The following GPR135 variants were observed in gnomAD, a reference collection of about 807,000 sequenced individuals.
GPR135 encodes G protein-coupled receptor 135.
Under a neutral mutation model 15.0 loss-of-function variants are expected in GPR135, and 17 were observed. That is an observed-to-expected ratio of 1.13 (90% CI 0.78 to 1.70). The LOEUF (loss-of-function observed/expected upper bound fraction) is 1.70. Ranked by LOEUF, GPR135 falls within the 40% of genes most tolerant of loss-of-function variation. GPR135 has a pLI of 0.00. For synonymous variants in GPR135, 368 were observed against 349.4 expected (o/e 1.05, Z -0.59); for missense variants, 776 against 727.0 (o/e 1.07, Z -0.78).
downstream of GPR135, among the ~76,000 whole-genome samples, chr14:59,456,959 A>G (rs1048123652): frequency 2.0e-5 from 3 of 152,244 alleles, no homozygotes; most frequent in African/African-American, 7.2e-5. Flanking sequence ...TTACTTTTAC[A>G]TAAAGAAACA....
chr14:59,463,955 G>A lies in GPR135; in HGVS notation c.1272C>T (p.Ala424=), dbSNP rs1242208338. Residue 424 remains alanine (A), a synonymous_variant, in exon 1 of 1, where the codon GCC becomes GCT. Coordinates refer to ENST00000395116, the MANE Select transcript of GPR135 (RefSeq NM_022571.6). ...GGTTTCGAAGGCGACTGCGGCTTCT[G>A]GCTTGCAGACCCGGGCCCTGGCTGG... The part of the protein sequence containing the change: ...FLPSQGPGLQ[A]RSRSRLRNRY... The A allele has an allele frequency of 7.4e-6, 12 of 1,614,044 alleles. No homozygotes were observed. Among genetic ancestry groups the A allele is most frequent in the Non-Finnish European group, 1.0e-5 (12 of 1,180,024 alleles).
Position 59,465,086 on chromosome 14 carries a change from C to T in GPR135, c.141G>A (p.Val47=). ...ATAAVLSFST[V]ATAALGNLSD... ...TCAGGTTCCCCAGCGCCGCGGTCGC[C>T]ACGGTGCTGAAGGAGAGCACGGCCG... is the stretch of plus-strand genomic sequence containing the variant. Residue 47 remains valine, a synonymous_variant, in exon 1 of 1, where the codon GTG becomes GTA. Transcript: ENST00000395116. 1 of 1,381,590 alleles carries T rather than the reference C, an allele frequency of 7.2e-7. No individual in the cohort carries two copies. Among genetic ancestry groups the T allele is most frequent in the Non-Finnish European group, 9.4e-7 (1 of 1,069,092 alleles). The allele number at this position is 1,381,590 out of a possible 1,614,324, so 85.6% of individuals were successfully genotyped here.
downstream of GPR135, among the ~76,000 whole-genome samples, chr14:59,459,700 G>T (rs776615766): frequency 6.6e-6 from 1 of 152,164 alleles, no homozygotes; most frequent in Non-Finnish European, 1.5e-5. Context: ...AATTGTAAAA[G>T]TACAGGCAAT....
In GPR135 at chr14:59,464,753, G is replaced by A. The variant is rs1166570791; in HGVS notation, c.474C>T (p.Pro158=). ...SDLLTALLCL[P]AAFLDLFTPP... The stretch of plus-strand genomic sequence containing the variant: ...GAGTGAAGAGGTCCAGGAAGGCGGC[G>A]GGCAGGCAGAGCAGCGCCGTGAGCA... The change falls in exon 1 of 1, where the codon CCC becomes CCT. Residue 158 remains proline, a synonymous_variant. Coordinates refer to ENST00000395116, the MANE Select transcript of GPR135 (RefSeq NM_022571.6). 1.9e-6 allele frequency: 3 copies of A among 1,567,778 alleles called. No individual in the cohort carries two copies. Among genetic ancestry groups the A allele is most frequent in the Middle Eastern group, 1.7e-4 (1 of 5,998 alleles).
Position 59,464,832 on chromosome 14 carries a change from C to G in GPR135, c.395G>C (p.Arg132Pro). 6.3e-7 allele frequency: 1 copy of G among 1,593,986 alleles called. No homozygotes were observed. Among genetic ancestry groups the G allele is most frequent in the Non-Finnish European group, 8.5e-7 (1 of 1,170,522 alleles). The change falls in exon 1 of 1, where the codon CGG (arginine) becomes CCG (proline). Residue 132 changes from arginine (R) to proline (P), a missense_variant. Coordinates refer to ENST00000395116, the MANE Select transcript of GPR135 (RefSeq NM_022571.6). ...CAVMGVIVKHRQLRTVTNAFI... is the reference protein window; with the variant it reads ...CAVMGVIVKHPQLRTVTNAFI... ...GGCGTTGGTGACGGTGCGGAGCTGC[C>G]GGTGCTTCACAATCACCCCCATCAC...
At chr14:59,458,014 A>T (rs1287814621), downstream of GPR135, among the ~76,000 whole-genome samples, 1 of 151,522 alleles carries the variant, frequency 6.6e-6, no homozygotes, top group African/African-American at 2.4e-5. Context: ...CGTTTCTACT[A>T]CTCCTTCTGT....
rs368832674 is a variant in GPR135, at chr14:59,464,718, C to T, written c.509G>A (p.Gly170Asp). ...CCCCGCGGCGGCGGCAGGCGCCGAA[C>T]CCCCGGGCGGAGTGAAGAGGTCCAG... The part of the protein sequence containing the change: ...AFLDLFTPPG[G>D]SAPAAAAGPW... The change falls in exon 1 of 1, where the codon GGT (glycine) becomes GAT (aspartate). Residue 170 changes from glycine (G) to aspartate (D), a missense_variant. Transcript: ENST00000395116. 9 of 1,565,654 alleles carry T rather than the reference C, an allele frequency of 5.7e-6. No homozygotes were observed. In the East Asian group the frequency reaches 9.4e-5, roughly 16 times the overall value.
rs750143137 is a variant in GPR135 at position 59,464,099 on chromosome 14, G to C, written c.1128C>G (p.Thr376=). ...CAGGGTTGATGGCCCCATTGGCCCA[G>C]GTCAGCCAGACGGCCACCACGCTGA... ...SLLSVVAVWL[T]WANGAINPVI... The change falls in exon 1 of 1, where the codon ACC becomes ACG. Residue 376 remains threonine (T), a synonymous_variant. Coordinates refer to ENST00000395116, the MANE Select transcript of GPR135 (RefSeq NM_022571.6). 3 of 1,612,154 alleles carry C rather than the reference G, an allele frequency of 1.9e-6. No homozygotes were observed. The highest frequency in any genetic ancestry group is 1.7e-6 in the Non-Finnish European group (2 of 1,179,998).
rs543431449 is a variant in GPR135, at chr14:59,461,184, G to A, written c.*2558C>T. The A allele has an allele frequency of 3.0e-4, 45 of 152,256 alleles. No homozygotes were observed. The highest frequency in any genetic ancestry group is 3.4e-3 in the Middle Eastern group (1 of 294). 9.4% of individuals were successfully genotyped at this position (152,256 alleles called of 1,614,324 possible). Reference sequence around the variant, plus strand: ...TCCCAGGAAGTTGCCCTTATATAAAGTAGGAAACAAAAATGGTAGATGATG... The same window carrying A: ...TCCCAGGAAGTTGCCCTTATATAAAATAGGAAACAAAAATGGTAGATGATG... On this transcript the variant is annotated 3_prime_UTR_variant, in exon 1 of 1. Coordinates refer to ENST00000395116, the MANE Select transcript of GPR135 (RefSeq NM_022571.6).
Position 59,464,655 on chromosome 14 carries a change from C to A in GPR135, c.572G>T (p.Ser191Ile). The change falls in exon 1 of 1, where the codon AGC (serine) becomes ATC (isoleucine). Residue 191 changes from serine to isoleucine, a missense_variant. Ser to Ile is a moderately radical substitution (Grantham distance 142, BLOSUM62 -2). Coordinates refer to ENST00000395116, the MANE Select transcript of GPR135 (RefSeq NM_022571.6). ...RGFCAASRFF[S>I]SCFGIVSTLS... ...CGTGGACACGATGCCGAAGCACGAG[C>A]TGAAGAAGCGGCTGGCGGCGCAGAA... is the stretch of plus-strand genomic sequence containing the variant. The A allele has an allele frequency of 6.3e-7, 1 of 1,596,176 alleles. No homozygotes were observed. Among genetic ancestry groups the A allele is most frequent in the Non-Finnish European group, 8.5e-7 (1 of 1,176,910 alleles).
chr14:59,464,351 G>A lies in GPR135; in HGVS notation c.876C>T (p.Leu292=), dbSNP rs193201384. ...AGATGTGGTAGTGGCAGAAGCACAT[G>A]AGCAGGAAGGGCAGCAGGTAGCAGG... ...VVACYLLPFL[L]MCFCHYHICK... The change falls in exon 1 of 1, where the codon CTC becomes CTT. Residue 292 remains leucine, a synonymous_variant. Transcript: ENST00000395116. The A allele has an allele frequency of 1.1e-3, 1,829 of 1,609,166 alleles. 20 individuals are homozygous for A. Among genetic ancestry groups the A allele is most frequent in the East Asian group, 3.1e-4 (14 of 44,790 alleles).
chr14:59,464,571 T>C lies in GPR135; in HGVS notation c.656A>G (p.Glu219Gly). 6.3e-7 allele frequency: 1 copy of C among 1,575,392 alleles called. No individual in the cohort carries two copies. Among genetic ancestry groups the C allele is most frequent in the African/African-American group, 1.4e-5 (1 of 72,466 alleles). ...CAGCGCGCGGCGGCGGCCGATCTTC[T>C]CCCGCGGCGGCCGCACGATAGCGCA... ...RYCAIVRPPR[E>G]KIGRRRALQL... The change falls in exon 1 of 1, where the codon GAG becomes GGG. Residue 219 changes from glutamate (E) to glycine (G), a missense_variant. By Grantham distance (98) the Glu-to-Gly change is moderately conservative (BLOSUM62 -2). Coordinates refer to ENST00000395116, the MANE Select transcript of GPR135 (RefSeq NM_022571.6).
downstream of GPR135, among the ~76,000 whole-genome samples, chr14:59,459,560 A>G (rs948138347): frequency 6.6e-6 from 1 of 152,252 alleles, no homozygotes; most frequent in Non-Finnish European, 1.5e-5. Flanking sequence ...ATGCACTGGC[A>G]CTAATAAGCC....
At chr14:59,460,654 G>A (rs904428273), downstream of GPR135, 4 of 152,212 alleles carry the variant, frequency 2.6e-5, no homozygotes, top group African/African-American at 9.6e-5. Flanking sequence ...AGGATTAAAT[G>A]AGCTAATGCA....
rs1889054032 is a variant in GPR135 at position 59,464,740 on chromosome 14, C to G, written c.487G>C (p.Asp163His). 6.4e-7 allele frequency: 1 copy of G among 1,567,164 alleles called. No homozygotes were observed. The highest frequency in any genetic ancestry group is 1.9e-5 in the Admixed American group (1 of 52,818). The change falls in exon 1 of 1, where the codon GAC becomes CAC. Residue 163 changes from aspartate (D) to histidine (H), a missense_variant. By Grantham distance (81) the Asp-to-His change is moderately conservative. Transcript: ENST00000395116. Reference protein sequence around the residue: ...ALLCLPAAFLDLFTPPGGSAP... With the variant: ...ALLCLPAAFLHLFTPPGGSAP... ...GAACCCCCGGGCGGAGTGAAGAGGT[C>G]CAGGAAGGCGGCGGGCAGGCAGAGC...
chr14:59,465,102 A>G lies in GPR135; in HGVS notation c.125T>C (p.Leu42Pro), dbSNP rs1213423613. The change falls in exon 1 of 1, where the codon CTC becomes CCC. Residue 42 changes from leucine (L) to proline (P), a missense_variant. Leu to Pro is a moderately conservative substitution (Grantham distance 98). Transcript: ENST00000395116. The part of the protein sequence containing the change: ...GTSSAATAAV[L>P]SFSTVATAAL... ...CGCGGTCGCCACGGTGCTGAAGGAG[A>G]GCACGGCCGCCGTGGCCGCGGAGGA... 3.6e-6 allele frequency: 5 copies of G among 1,383,734 alleles called. No individual in the cohort carries two copies. Among genetic ancestry groups the G allele is most frequent in the African/African-American group, 3.0e-5 (2 of 66,700 alleles). 85.7% of individuals were successfully genotyped at this position (1,383,734 alleles called of 1,614,324 possible). A position where few individuals can be genotyped will look rare whatever the true frequency, so the allele number is the denominator to read the frequency against.
chr14:59,464,918 C>T lies in GPR135; in HGVS notation c.309G>A (p.Val103=), dbSNP rs779738920. The T allele has an allele frequency of 6.3e-7, 1 of 1,592,262 alleles. No individual in the cohort carries two copies. The highest frequency in any genetic ancestry group is 2.3e-5 in the East Asian group (1 of 42,892). ...AAPLLSHGAA[V]AAQALVLLLI... is the part of the protein sequence containing the mutation. ...GCAGGAGGACGAGCGCCTGGGCCGC[C>T]ACTGCAGCTCCGTGCGACAGCAGCG... Residue 103 remains valine (V), a synonymous_variant, in exon 1 of 1, where the codon GTG becomes GTA. Transcript: ENST00000395116.
In GPR135 at chr14:59,464,209, C is replaced by T; in HGVS notation, c.1018G>A (p.Val340Ile). The change falls in exon 1 of 1, where the codon GTC (valine) becomes ATC (isoleucine). Residue 340 changes from valine to isoleucine, a missense_variant. Val to Ile is a conservative substitution (Grantham distance 29, BLOSUM62 3). Coordinates refer to ENST00000395116, the MANE Select transcript of GPR135 (RefSeq NM_022571.6). The part of the protein sequence containing the change: ...ATTVLIMIVF[V>I]ICCWGPYCFL... ...CAGTAGGGCCCCCAGCAGCAGATGACGAAGACGATCATGATGAGGACGGTG... is the reference window on the plus strand; with the variant it reads ...CAGTAGGGCCCCCAGCAGCAGATGATGAAGACGATCATGATGAGGACGGTG... 2 of 1,610,954 alleles carry T rather than the reference C, an allele frequency of 1.2e-6. No homozygotes were observed. Among genetic ancestry groups the T allele is most frequent in the Non-Finnish European group, 1.7e-6 (2 of 1,179,906 alleles).
chr14:59,465,002 G>A lies in GPR135; in HGVS notation c.225C>T (p.Ser75=), dbSNP rs1336158419. ...AAPGGGGLGG[S]GAAREAGAAV... is the part of the protein sequence containing the mutation. ...CCGCCCCCGCCTCCCGCGCTGCCCC[G>A]GACCCGCCAAGGCCGCCGCCACCGG... Residue 75 remains serine (S), a synonymous_variant, in exon 1 of 1, where the codon TCC becomes TCT. Transcript: ENST00000395116. The A allele has an allele frequency of 2.2e-6, 3 of 1,391,272 alleles. No individual in the cohort carries two copies. Among genetic ancestry groups the A allele is most frequent in the African/African-American group, 3.0e-5 (2 of 65,788 alleles). 86.2% of individuals were successfully genotyped at this position (1,391,272 alleles called of 1,614,324 possible). A position where few individuals can be genotyped will look rare whatever the true frequency, so the allele number is the denominator to read the frequency against.
Sources: gnomAD v4.1 joint callset for allele counts (sites outside exome capture counted in the v4.1 genomes callset) on GRCh38, gnomAD v4.1.1 for gene constraint, MANE v1.5 for transcripts, NCBI Gene and HGNC (gene_info 2026-07-23, HGNC 2026-07-21) for gene names.